ZBTB20: variants seen among roughly 807,000 people sequenced by gnomAD.
ZBTB20 encodes the protein zinc finger and BTB domain containing 20.
Under a neutral mutation model 56.9 loss-of-function variants are expected in ZBTB20, and 9 were observed. That is an observed-to-expected ratio of 0.16 (90% CI 0.10 to 0.28). The LOEUF (loss-of-function observed/expected upper bound fraction) is 0.28, where lower values mean the gene tolerates loss of function less well. ZBTB20 is among the 10% of genes least tolerant of loss of function. The probability of loss-of-function intolerance (pLI) is 1.00; values close to 1 mark genes in which losing one functional copy is unlikely to be tolerated. For missense variants in ZBTB20, 655 were observed against 1,003.0 expected, an observed-to-expected ratio of 0.65 and a Z score of 4.69; for synonymous variants, 417 against 420.7, an observed-to-expected ratio of 0.99 and a Z score of 0.11.
intron 5 of ZBTB20, among the ~76,000 whole-genome samples, chr3:114,741,443 A>C (rs762474669): frequency 6.6e-6 from 1 of 152,214 alleles, no homozygotes; most frequent in African/African-American, 2.4e-5. Flanking sequence ...AGAAAGTCTA[A>C]TTTTTAAAAT....
At chr3:114,643,069 C>T (rs1301286123) in intron 6 of ZBTB20, among the ~76,000 whole-genome samples, 1 of 152,052 alleles carries the variant, frequency 6.6e-6, no homozygotes, top group African/African-American at 2.4e-5. Context: ...CCTCTTGTAA[C>T]ATTATTAATC....
At chr3:114,586,989 C>CTTTTTTTTTTT (rs1195918426) in intron 6 of ZBTB20, among the ~76,000 whole-genome samples, 1 of 76,974 alleles carries the variant, frequency 1.3e-5, no homozygotes, top group Non-Finnish European at 2.4e-5. Context: ...GTATAACTCC[C>CTTTTTTTTTTT]TTTTTTTTTT....
intron 6 of ZBTB20, among the ~76,000 whole-genome samples, chr3:114,589,637 T>C (rs564817377): frequency 4.6e-5 from 7 of 152,160 alleles, no homozygotes; most frequent in Admixed American, 3.9e-4. Context: ...AACAAGAACT[T>C]TCCCAGGCAA....
At chr3:114,999,860 AGAAAT>A (rs2079176335) in intron 2 of ZBTB20, among the ~76,000 whole-genome samples, 1 of 151,752 alleles carries the variant, frequency 6.6e-6, no homozygotes, top group Admixed American at 6.6e-5. Flanking sequence ...CAACAACAAT[AGAAAT>A]AATAAAACAA....
At chr3:114,752,120 T>A (rs1420014202) in intron 5 of ZBTB20, among the ~76,000 whole-genome samples, 1 of 152,190 alleles carries the variant, frequency 6.6e-6, no homozygotes, top group Non-Finnish European at 1.5e-5. Flanking sequence ...AAATATTACA[T>A]GAGGTAAGTA....
At chr3:114,387,946 T>C (rs996071010) in intron 8 of ZBTB20, 2 of 152,238 alleles carry the variant, frequency 1.3e-5, no homozygotes, top group African/African-American at 4.8e-5. Flanking sequence ...TTCAGTTGAC[T>C]GGAAGCATTA....
chr3:114,981,764 G>C (rs1210414421), intron 2 of ZBTB20, among the ~76,000 whole-genome samples: 1 of 152,004 alleles, frequency 6.6e-6, no homozygotes, highest in African/African-American at 2.4e-5. Context: ...GCAGAACCAG[G>C]ATTTATGCCC....
intron 3 of ZBTB20, among the ~76,000 whole-genome samples, chr3:114,904,915 A>C (rs2075266597): frequency 6.6e-6 from 1 of 152,014 alleles, no homozygotes; most frequent in African/African-American, 2.4e-5. Context: ...AGGTCAGATA[A>C]GCTGTAATAA....
chr3:114,932,074 A>AT lies in ZBTB20; in HGVS notation c.-455-31733dup, dbSNP rs571741912. Among the ~76,000 whole-genome samples, 42 of 152,224 alleles carry AT rather than the reference A, an allele frequency of 2.8e-4. 2 individuals are homozygous for AT. In the East Asian group the frequency reaches 6.6e-3, roughly 24 times the overall value. ...TGAAGTCCTAGATTTTAAAAGTATA[A>AT]TTTTTTTAGGAATAAAGATCTGGTA... On this transcript the variant is annotated intron_variant, in intron 3 of 11. Coordinates refer to ENST00000675478, the MANE Select transcript of ZBTB20 (RefSeq NM_001348800.3).
intron 1 of ZBTB20, chr3:115,103,148 G>A (rs981973026): frequency 1.3e-5 from 2 of 152,138 alleles, no homozygotes; most frequent in African/African-American, 4.8e-5. Flanking sequence ...AGAAATCATT[G>A]TAATTGACTA....
At chr3:115,070,564 A>G (rs1383217726) in intron 2 of ZBTB20, among the ~76,000 whole-genome samples, 2 of 152,156 alleles carry the variant, frequency 1.3e-5, no homozygotes, top group Non-Finnish European at 2.9e-5. Context: ...TTTAATAGGT[A>G]TATTAGCTTT....
chr3:114,882,849 C>T (rs1387114525), intron 4 of ZBTB20, among the ~76,000 whole-genome samples: 2 of 152,018 alleles, frequency 1.3e-5, no homozygotes, highest in Non-Finnish European at 2.9e-5. Flanking sequence ...TCCTTGTGTA[C>T]CATTCAAATT....
intron 6 of ZBTB20, among the ~76,000 whole-genome samples, chr3:114,655,477 C>T (rs1388217496): frequency 6.6e-6 from 1 of 151,588 alleles, no homozygotes; most frequent in Admixed American, 6.6e-5. Flanking sequence ...TGGTCTCGAT[C>T]TCCTGACCTC....
At chr3:114,693,274 A>G (rs1254357011) in intron 6 of ZBTB20, among the ~76,000 whole-genome samples, 1 of 152,140 alleles carries the variant, frequency 6.6e-6, no homozygotes, top group Non-Finnish European at 1.5e-5. Context: ...AAAATCTGTG[A>G]TAATAGGTTC....
intron 3 of ZBTB20, among the ~76,000 whole-genome samples, chr3:114,958,673 C>A (rs536792692): frequency 5.3e-5 from 8 of 151,794 alleles, no homozygotes; most frequent in South Asian, 4.2e-4. Flanking sequence ...CATGGTGAAA[C>A]CCCATTTCTA....
intron 3 of ZBTB20, among the ~76,000 whole-genome samples, chr3:114,953,938 T>C (rs2077161325): frequency 6.6e-6 from 1 of 152,162 alleles, no homozygotes; most frequent in Non-Finnish European, 1.5e-5. Context: ...TTTTTTGATA[T>C]AGCCAACTAC....
intron 6 of ZBTB20, among the ~76,000 whole-genome samples, chr3:114,562,079 CTAA>C (rs2052133139): frequency 6.6e-6 from 1 of 152,146 alleles, no homozygotes; most frequent in African/African-American, 2.4e-5. Flanking sequence ...AACTTTTCTT[CTAA>C]AGCTTCCTCA....
intron 7 of ZBTB20, among the ~76,000 whole-genome samples, chr3:114,478,116 G>A (rs886067289): frequency 8.6e-5 from 13 of 151,714 alleles, no homozygotes; most frequent in Non-Finnish European, 1.6e-4. Context: ...ACAGGCATGC[G>A]CCACCACGGC....
Position 114,978,667 on chromosome 3 carries a change from G to GGTGT in ZBTB20, c.-506-4255_-506-4252dup, listed in dbSNP as rs3086036. Among the ~76,000 whole-genome samples, 85 of 149,600 alleles carry GGTGT rather than the reference G, an allele frequency of 5.7e-4. 1 individual carries two copies. The highest frequency in any genetic ancestry group is 3.0e-3 in the Admixed American group (45 of 14,972). ...TGTAAGTATAGATCTGTATGTACCA[G>GGTGT]GTGTGTGTGTGTGTGTGTGCTTGTG... On this transcript the variant is annotated intron_variant, in intron 2 of 11. Transcript: ENST00000675478.
Sources: gnomAD v4.1 joint callset for allele counts (sites outside exome capture counted in the v4.1 genomes callset) on GRCh38, gnomAD v4.1.1 for gene constraint, MANE v1.5 for transcripts, NCBI Gene and HGNC (gene_info 2026-07-23, HGNC 2026-07-21) for gene names.